ATP8B3: variants seen among roughly 807,000 people sequenced by gnomAD.
ATP8B3 encodes phospholipid-transporting ATPase IK.
A neutral mutation model predicts 140.9 loss-of-function variants in ATP8B3; 141 were observed. The ratio of observed to expected loss-of-function variants is 1.00; its 90% CI spans 0.87 to 1.15. The LOEUF is 1.15. ATP8B3 is among the 50% of genes most tolerant of loss of function. ATP8B3 has a pLI of 0.00. For synonymous variants in ATP8B3, 765 were observed against 714.6 expected, an observed-to-expected ratio of 1.07 and a Z score of -1.13; for missense variants, 1,874 against 1,740.6, an observed-to-expected ratio of 1.08 and a Z score of -1.36.
chr19:1,808,400 C>T (rs1315968256), intron 4 of ATP8B3, 65 bp from the exon 5 acceptor site: 65 of 1,250,394 alleles, frequency 5.2e-5, no homozygotes, highest in Non-Finnish European at 7.1e-5. Context: ...TGGGGGTGCC[C>T]GAGGCCAGAC....
At position 1,811,878 on chromosome 19, in the gene ATP8B3, A is replaced by T; in HGVS notation, c.-142T>A. The T allele has an allele frequency of 5.3e-6, 5 of 934,846 alleles. No homozygotes were observed. Among genetic ancestry groups the T allele is most frequent in the Non-Finnish European group, 7.7e-6 (5 of 648,708 alleles). 57.9% of individuals were successfully genotyped at this position (934,846 alleles called of 1,614,324 possible). A position where few individuals can be genotyped will look rare whatever the true frequency, so the allele number is the denominator to read the frequency against. ...GCTCAAATGGCCAGAATCCACTCGAAGTGTATCTGGGGGCAGAAAGAGACA... is the reference window on the plus strand; with the variant it reads ...GCTCAAATGGCCAGAATCCACTCGATGTGTATCTGGGGGCAGAAAGAGACA... On this transcript the variant is annotated 5_prime_UTR_variant, in exon 2 of 29. Transcript: ENST00000310127.
chr19:1,792,224 C>G, intron 18 of ATP8B3, 89 bp from the exon 19 acceptor site: 2 of 1,405,552 alleles, frequency 1.4e-6, no homozygotes, highest in Non-Finnish European at 1.9e-6. Flanking sequence ...GCTCCGGAGC[C>G]TGGGTCCCCC....
At chr19:1,792,637 C>T (rs1375320169) in intron 18 of ATP8B3, among the ~76,000 whole-genome samples, 2 of 135,212 alleles carry the variant, frequency 1.5e-5, no homozygotes, top group Non-Finnish European at 3.2e-5. Context: ...GAGGGCTGGG[C>T]GTGGTGGCTC....
intron 24 of ATP8B3, among the ~76,000 whole-genome samples, chr19:1,787,826 G>A (rs888927231): frequency 6.7e-6 from 1 of 149,802 alleles, no homozygotes; most frequent in Non-Finnish European, 1.5e-5. Context: ...GGCAGATCAC[G>A]AGGTCAGGAG....
chr19:1,797,954 G>A (rs575752213), intron 14 of ATP8B3, among the ~76,000 whole-genome samples: 1 of 151,962 alleles, frequency 6.6e-6, no homozygotes, highest in South Asian at 2.1e-4. Flanking sequence ...ACAGGTGCAT[G>A]CCACCCCTTT....
intron 5 of ATP8B3, 53 bp downstream of exon 5, chr19:1,808,169 C>T (rs1201445464): frequency 4.9e-6 from 7 of 1,417,176 alleles, no homozygotes; most frequent in Non-Finnish European, 6.9e-6. Context: ...ACAAACACAT[C>T]GATGCTGCCA....
Position 1,800,982 on chromosome 19 carries a change from C to G in ATP8B3, c.1153-533G>C, listed in dbSNP as rs566320098. 5.9e-5 allele frequency among the ~76,000 whole-genome samples: 9 copies of G among 151,486 alleles called. No homozygotes were observed. In the East Asian group the frequency reaches 1.8e-3, roughly 30 times the overall value. On this transcript the variant is annotated intron_variant, in intron 12 of 28. Transcript: ENST00000310127. The surrounding 1 kb of genome is among the most constrained non-coding windows in gnomAD (Gnocchi z 4.4). ...TAGCTGGGACTACAGGCGCCCGCCA[C>G]CACGCCCGGCTAATTTTTTGTATTT...
chr19:1,804,802 G>T (rs772250169), intron 10 of ATP8B3, among the ~76,000 whole-genome samples: 1 of 152,024 alleles, frequency 6.6e-6, no homozygotes, highest in Admixed American at 6.6e-5. Flanking sequence ...GCGAAACTCC[G>T]TCTCAAAAAA....
chr19:1,782,922 T>C lies in ATP8B3; in HGVS notation c.*106A>G, dbSNP rs904599189. The C allele has an allele frequency of 4.3e-6, 6 of 1,409,194 alleles. No homozygotes were observed. Among genetic ancestry groups the C allele is most frequent in the African/African-American group, 1.4e-5 (1 of 69,220 alleles). 87.3% of individuals were successfully genotyped at this position (1,409,194 alleles called of 1,614,324 possible). A position where few individuals can be genotyped will look rare whatever the true frequency, so the allele number is the denominator to read the frequency against. On this transcript the variant is annotated 3_prime_UTR_variant, in exon 29 of 29. Transcript: ENST00000310127. Reference sequence around the variant, plus strand: ...GGATGAAGAGCGGATTGTCTATCCATAGAAAATGATGAGCTAGGTGTAGGG... The same window carrying C: ...GGATGAAGAGCGGATTGTCTATCCACAGAAAATGATGAGCTAGGTGTAGGG...
chr19:1,805,805 C>T lies in ATP8B3; in HGVS notation c.821+83G>A. 2 of 1,556,386 alleles carry T rather than the reference C, an allele frequency of 1.3e-6. No individual in the cohort carries two copies. The highest frequency in any genetic ancestry group is 2.3e-5 in the South Asian group (2 of 88,644). ...GTCTCTGAGCGACCTTGGCTGGCCG[C>T]CTCCTTGGTGACTGGGGAAGGGGGC... On this transcript the variant is annotated intron_variant, in intron 9 of 28. Transcript: ENST00000310127. This position sits in a 1 kb window ranked among gnomAD's most constrained non-coding sequence, Gnocchi z 5.2.
intron 14 of ATP8B3, chr19:1,799,465 G>GAA (rs532925512): frequency 1.4e-3 from 205 of 143,458 alleles, no homozygotes; most frequent in East Asian, 2.5e-3. Flanking sequence ...GTCTCAGAGA[G>GAA]AAAAAAAAAA....
Position 1,783,180 on chromosome 19 carries a change from T to G in ATP8B3, c.3751A>C (p.Ser1251Arg). The G allele has an allele frequency of 6.2e-7, 1 of 1,613,626 alleles. No individual in the cohort carries two copies. The highest frequency in any genetic ancestry group is 2.2e-5 in the East Asian group (1 of 44,866). ...CCCTCACGGTGGGAGAAAGCATAGC[T>G]GGAACGGCGGGCACGAGACTCCCGG... Reference protein sequence around the residue: ...VHRESRARRSSYAFSHREGYA... With the variant: ...VHRESRARRSRYAFSHREGYA... Residue 1251 changes from serine (S) to arginine (R), a missense_variant, in exon 29 of 29, where the codon AGC (serine) becomes CGC (arginine). Coordinates refer to ENST00000310127, the MANE Select transcript of ATP8B3 (RefSeq NM_138813.4).
rs1242373977 is a variant in ATP8B3, at chr19:1,798,033, G to T, written c.1553-1028C>A. On this transcript the variant is annotated intron_variant, in intron 14 of 28. Transcript: ENST00000310127. The stretch of plus-strand genomic sequence containing the variant: ...ACCCAGGCTGCTGGAGTGCAGTGGC[G>T]TGACCTTGGCTCACTGCAACCTCCA... Among the ~76,000 whole-genome samples the T allele has an allele frequency of 2.0e-5, 3 of 151,940 alleles. No homozygotes were observed. In the South Asian group the frequency reaches 6.2e-4, roughly 32 times the overall value.
At chr19:1,799,528 G>A (rs1387694263) in intron 14 of ATP8B3, 2 of 372,010 alleles carry the variant, frequency 5.4e-6, no homozygotes, top group Non-Finnish European at 9.5e-6. Context: ...CACTTTGGGA[G>A]GCCGAGGCAG....
rs751853438 is a variant in ATP8B3, at chr19:1,785,677, G to A, written c.3185C>T (p.Pro1062Leu). The A allele has an allele frequency of 8.7e-6, 14 of 1,610,704 alleles. No individual in the cohort carries two copies. The Admixed American group carries it at 1.2e-4, about 13-fold the overall frequency. ...CTTCTGCCCCACCACGTACAGCTCCGGCTTCTCCAGGCTCTGCTCTGCGCT... is the reference window on the plus strand; with the variant it reads ...CTTCTGCCCCACCACGTACAGCTCCAGCTTCTCCAGGCTCTGCTCTGCGCT... ...DVSAEQSLEK[P>L]ELYVVGQKDE... is the part of the protein sequence containing the mutation. Residue 1062 changes from proline to leucine, a missense_variant, in exon 26 of 29, where the codon CCG (proline) becomes CTG (leucine). By Grantham distance (98) the Pro-to-Leu change is moderately conservative (BLOSUM62 -3). Coordinates refer to ENST00000310127, the MANE Select transcript of ATP8B3 (RefSeq NM_138813.4).
intron 10 of ATP8B3, among the ~76,000 whole-genome samples, chr19:1,804,632 C>G (rs1349302605): frequency 6.6e-6 from 1 of 151,352 alleles, no homozygotes; most frequent in Non-Finnish European, 1.5e-5. Flanking sequence ...AAAAAGAAAC[C>G]CCGTCTCTAT....
intron 14 of ATP8B3, chr19:1,799,189 T>G (rs1010574563): frequency 6.6e-6 from 1 of 151,436 alleles, no homozygotes; most frequent in African/African-American, 2.4e-5. Flanking sequence ...CTAGGTGTGG[T>G]GGCTCATGCC....
At chr19:1,791,639 CGCCTCG>C in intron 20 of ATP8B3, 105 bp downstream of exon 20, 2 of 792,314 alleles carry the variant, frequency 2.5e-6, no homozygotes, top group Admixed American at 4.4e-5. Flanking sequence ...GTGATCCGCC[CGCCTCG>C]GCCTCCCAAA....
At position 1,794,744 on chromosome 19, in the gene ATP8B3, G is replaced by A. The variant is rs532958884; in HGVS notation, c.2055+1131C>T. Among the ~76,000 whole-genome samples, 11 of 152,240 alleles carry A rather than the reference G, an allele frequency of 7.2e-5. No homozygotes were observed. The East Asian group carries it at 1.9e-3, about 27-fold the overall frequency. On this transcript the variant is annotated intron_variant, in intron 18 of 28. Transcript: ENST00000310127. The surrounding 1 kb of genome is among the most constrained non-coding windows in gnomAD (Gnocchi z 4.8). ...GGTGCCAAGGCAGCACCTGAGAGTGGGGAAGTCACAAGCCAGAAACTGGGT... is the reference window on the plus strand; with the variant it reads ...GGTGCCAAGGCAGCACCTGAGAGTGAGGAAGTCACAAGCCAGAAACTGGGT...
Sources: gnomAD v4.1 joint callset for allele counts (sites outside exome capture counted in the v4.1 genomes callset) on GRCh38, gnomAD v4.1.1 for gene constraint, Gnocchi (gnomAD v3.1) non-coding constraint, MANE v1.5 for transcripts, NCBI Gene and HGNC (gene_info 2026-07-23, HGNC 2026-07-21) for gene names.